The following PPP2R5C variants were observed in gnomAD, a reference collection of about 807,000 sequenced individuals.
PPP2R5C encodes serine/threonine-protein phosphatase 2A 56 kDa regulatory subunit gamma isoform.
In PPP2R5C, 7 loss-of-function variants were observed where a neutral mutation model predicts 68.9. That is an observed-to-expected ratio of 0.10 (90% CI 0.06 to 0.19). The LOEUF (loss-of-function observed/expected upper bound fraction) is 0.19, where lower values mean the gene tolerates loss of function less well. Among genes scored for constraint, PPP2R5C ranks in the 10% least tolerant of loss-of-function variants. PPP2R5C has a pLI of 1.00. For missense variants in PPP2R5C, 348 were observed against 641.3 expected (o/e 0.54, Z 4.94); for synonymous variants, 210 against 222.2 (o/e 0.95, Z 0.49).
intron 1 of PPP2R5C, among the ~76,000 whole-genome samples, chr14:101,827,691 A>G (rs2040480238): frequency 6.6e-6 from 1 of 152,226 alleles, no homozygotes; most frequent in Non-Finnish European, 1.5e-5. Flanking sequence ...TTCCTAAATT[A>G]TCTCGTTTTG....
intron 2 of PPP2R5C, among the ~76,000 whole-genome samples, chr14:101,771,580 T>A (rs945360795): frequency 7.2e-5 from 11 of 151,870 alleles, no homozygotes; most frequent in Admixed American, 3.9e-4. Context: ...CTACAAAAAT[T>A]AGCTGGGCTT....
At chr14:101,806,377 G>T (rs1416157890), upstream of PPP2R5C, among the ~76,000 whole-genome samples, 1 of 151,630 alleles carries the variant, frequency 6.6e-6, no homozygotes, top group African/African-American at 2.4e-5. Flanking sequence ...TTCTGTTCCT[G>T]TGTTACTTTG....
upstream of PPP2R5C, chr14:101,760,625 C>T: frequency 1.3e-6 from 1 of 767,626 alleles, no homozygotes; most frequent in Non-Finnish European, 1.5e-6. Context: ...GTCGGGTAGG[C>T]GGGACCTTGC....
chr14:101,863,823 G>A (rs905997462), intron 2 of PPP2R5C, among the ~76,000 whole-genome samples: 7 of 152,138 alleles, frequency 4.6e-5, no homozygotes, highest in African/African-American at 2.4e-5. Flanking sequence ...ACTTGAACCC[G>A]GGAGTGGGAG....
upstream of PPP2R5C, among the ~76,000 whole-genome samples, chr14:101,807,345 G>A (rs2039117227): frequency 6.6e-6 from 1 of 152,060 alleles, no homozygotes; most frequent in Admixed American, 6.6e-5. Context: ...CCATTAATCT[G>A]CCTTTTTTGC....
intron 1 of PPP2R5C, chr14:101,824,085 T>C (rs1464072446): frequency 3.9e-6 from 5 of 1,289,180 alleles, no homozygotes; most frequent in African/African-American, 3.0e-5. Flanking sequence ...GGACTGACTT[T>C]CCACTTGATT....
At chr14:101,884,739 A>G (rs2044384928) in intron 5 of PPP2R5C, among the ~76,000 whole-genome samples, 1 of 152,166 alleles carries the variant, frequency 6.6e-6, no homozygotes, top group South Asian at 2.1e-4. Flanking sequence ...TTTTTACACC[A>G]GCCCTTCCCT....
intron 3 of PPP2R5C, 65 bp from the exon 6 acceptor site, chr14:101,883,192 G>T (rs528821478): frequency 1.8e-6 from 2 of 1,138,368 alleles, no homozygotes; most frequent in Admixed American, 2.6e-5. Flanking sequence ...TCAATTTCTG[G>T]TATATTTTAA....
At position 101,784,509 on chromosome 14, in the gene PPP2R5C, GT is replaced by G. The variant is rs199654217; in HGVS notation, c.94-1508del. Reference sequence around the variant, plus strand: ...CACGGCAGCAGGAGAGAGAGAGAAAGTGGGGGGGGGGAACTGCCAAACACTT... The same window carrying G: ...CACGGCAGCAGGAGAGAGAGAGAAAGGGGGGGGGGGAACTGCCAAACACTT... On this transcript the variant is annotated intron_variant, in intron 2 of 14. Coordinates refer to the PPP2R5C transcript ENST00000328724. 6.2e-3 allele frequency among the ~76,000 whole-genome samples: 906 copies of G among 146,126 alleles called. 11 individuals carry two copies. Among genetic ancestry groups the G allele is most frequent in the African/African-American group, 0.022 (873 of 39,262 alleles).
rs2040318707 is a variant in PPP2R5C at position 101,825,179 on chromosome 14, T to G, written c.94+15143T>G. ...ACAGAAGAAACTGAAAGTGATACTT[T>G]TGGCAGAGGGATAGGATAAGAGGGT... On this transcript the variant is annotated intron_variant, in intron 1 of 13. Transcript: ENST00000334743. This position sits in a 1 kb window ranked among gnomAD's most constrained non-coding sequence, Gnocchi z 4.0. Among the ~76,000 whole-genome samples the G allele has an allele frequency of 6.6e-6, 1 of 151,054 alleles. No homozygotes were observed. The highest frequency in any genetic ancestry group is 2.4e-5 in the African/African-American group (1 of 40,894).
exon 14 of PPP2R5C, chr14:101,926,598 A>G (rs2047296587): frequency 6.6e-6 from 1 of 152,660 alleles, no homozygotes; most frequent in Non-Finnish European, 1.5e-5. Context: ...GTGTACTGCT[A>G]TTCTAAACAC....
intron 1 of PPP2R5C, among the ~76,000 whole-genome samples, chr14:101,813,533 C>T (rs775890499): frequency 6.6e-6 from 1 of 152,232 alleles, no homozygotes; most frequent in African/African-American, 2.4e-5. Context: ...GCTGGGCCAG[C>T]CGTGATGCTG....
chr14:101,925,366 T>A (rs2047244605), exon 14 of PPP2R5C: 1 of 1,510,292 alleles, frequency 6.6e-7, no homozygotes, highest in Non-Finnish European at 8.9e-7. Flanking sequence ...TCAGTTACAC[T>A]CAAAGCTTTC....
chr14:101,810,146 C>A, intron 1 of PPP2R5C: 1 of 994,702 alleles, frequency 1.0e-6, no homozygotes, highest in Non-Finnish European at 1.5e-6. Flanking sequence ...GAATTCACCC[C>A]ATTTCGCTGC....
chr14:101,822,613 C>T (rs183359500), intron 1 of PPP2R5C, among the ~76,000 whole-genome samples: 2 of 152,286 alleles, frequency 1.3e-5, no homozygotes, highest in East Asian at 1.9e-4. Context: ...CCCTTAAGAA[C>T]CCCATTCTTA....
chr14:101,761,687 T>TGCCGCTGCC (rs1345446823), upstream of PPP2R5C: 2 of 219,766 alleles, frequency 9.1e-6, no homozygotes, highest in Admixed American at 1.4e-4. Flanking sequence ...ACGCCGCCGC[T>TGCCGCTGCC]GCCGCCGCCG....
intron 1 of PPP2R5C, among the ~76,000 whole-genome samples, chr14:101,840,437 T>A (rs1024004478): frequency 6.9e-6 from 1 of 145,458 alleles, no homozygotes. Flanking sequence ...GGTTTTTATC[T>A]TCTTACCCAT....
rs1566837028 is a variant in PPP2R5C at position 101,786,002 on chromosome 14, G to GTTTTT, written c.94-15_94-11dup. The GTTTTT allele has an allele frequency of 6.6e-7, 1 of 1,517,320 alleles. No individual in the cohort carries two copies. The highest frequency in any genetic ancestry group is 2.5e-5 in the East Asian group (1 of 40,504). The allele number at this position is 1,517,320 out of a possible 1,614,324, so 94.0% of individuals were successfully genotyped here. A position where few individuals can be genotyped will look rare whatever the true frequency, so the allele number is the denominator to read the frequency against. On this transcript the variant is annotated splice_polypyrimidine_tract_variant and intron_variant, in intron 2 of 14. Coordinates refer to the PPP2R5C transcript ENST00000328724. ...CCATTGTACATATTCATTTGTTTTT[G>GTTTTT]TTTTTGTTTTGGAAGCAAATTTCCG... is the stretch of plus-strand genomic sequence containing the variant.
At chr14:101,847,641 T>C (rs973277985) in intron 1 of PPP2R5C, among the ~76,000 whole-genome samples, 6 of 151,562 alleles carry the variant, frequency 4.0e-5, no homozygotes, top group Admixed American at 2.0e-4. Flanking sequence ...ATGCAGGCTG[T>C]GTCCTCATGG....
Sources: allele counts gnomAD v4.1 joint callset (sites outside exome capture counted in the v4.1 genomes callset), GRCh38; gene constraint gnomAD v4.1.1; non-coding constraint Gnocchi (gnomAD v3.1); transcripts MANE v1.5; gene names NCBI Gene and HGNC (gene_info 2026-07-23, HGNC 2026-07-21).